The following COX7A2 variants were observed in gnomAD, a reference collection of about 807,000 sequenced individuals.
COX7A2 encodes cytochrome c oxidase subunit 7A2, also known as cytochrome c oxidase subunit 7A2, mitochondrial.
Under a neutral mutation model 11.6 loss-of-function variants are expected in COX7A2, and 11 were observed. The ratio of observed to expected loss-of-function variants is 0.95; its 90% CI spans 0.60 to 1.57. The LOEUF (loss-of-function observed/expected upper bound fraction) is 1.57, where lower values mean the gene tolerates loss of function less well. Among genes scored for constraint, COX7A2 ranks in the 40% most tolerant of loss-of-function variants. The probability of loss-of-function intolerance (pLI) is 0.00; values close to 1 mark genes in which losing one functional copy is unlikely to be tolerated. For missense variants in COX7A2, 106 were observed against 100.9 expected, an observed-to-expected ratio of 1.05 and a Z score of -0.22; for synonymous variants, 30 against 38.2, an observed-to-expected ratio of 0.78 and a Z score of 0.79.
chr6:75,239,605 C>G (rs1562367595), intron 3 of COX7A2, among the ~76,000 whole-genome samples: 1 of 152,136 alleles, frequency 6.6e-6, no homozygotes, highest in Non-Finnish European at 1.5e-5. Context: ...TTGTTTTGGT[C>G]ATAAATATGT....
At chr6:75,239,668 T>A (rs775018684) in intron 3 of COX7A2, among the ~76,000 whole-genome samples, 12 of 152,238 alleles carry the variant, frequency 7.9e-5, no homozygotes, top group Non-Finnish European at 1.8e-4. Context: ...ACAGTCAAAA[T>A]GTTTTAAAGC....
upstream of COX7A2, chr6:75,244,022 A>T (rs1771624162): frequency 1.9e-6 from 1 of 522,540 alleles, no homozygotes; most frequent in East Asian, 3.4e-5. Flanking sequence ...GAAAAAGCAA[A>T]CGATTTATGA....
At chr6:75,243,678 C>A in intron 1 of COX7A2, 39 bp downstream of exon 1, 1 of 1,597,748 alleles carries the variant, frequency 6.3e-7, no homozygotes, top group South Asian at 1.1e-5. Context: ...TCTCCACTCC[C>A]TCGCCCCCAT....
In COX7A2 at chr6:75,243,664, C is replaced by G. The variant is rs1032870387; in HGVS notation, c.18+53G>C. 2.6e-6 allele frequency: 4 copies of G among 1,565,200 alleles called. No individual in the cohort carries two copies. The African/African-American group carries it at 5.4e-5, about 21-fold the overall frequency. On this transcript the variant is annotated intron_variant, in intron 1 of 3. Coordinates refer to ENST00000684430, the MANE Select transcript of COX7A2 (RefSeq NM_001366293.2). The stretch of plus-strand genomic sequence containing the variant: ...GGGTTTTCTGTCGTGGTGCCTCAGC[C>G]TCCTCTCCACTCCCTCGCCCCCATC...
intron 1 of COX7A2, among the ~76,000 whole-genome samples, chr6:75,249,123 G>A (rs1028736465): frequency 5.3e-5 from 8 of 152,210 alleles, no homozygotes; most frequent in Admixed American, 1.3e-4. Flanking sequence ...TGTAGTCCCA[G>A]CTACTCGGGA....
intron 3 of COX7A2, among the ~76,000 whole-genome samples, chr6:75,239,168 G>A (rs1249527612): frequency 2.6e-5 from 4 of 152,146 alleles, no homozygotes; most frequent in Non-Finnish European, 5.9e-5. Flanking sequence ...GAGATTGTGG[G>A]AACCCCAACT....
rs56897555 is a variant in COX7A2, at chr6:75,240,393, TAA to T, written c.109-10_109-9del. 6,892 of 1,202,192 alleles carry T rather than the reference TAA, an allele frequency of 5.7e-3. No individual in the cohort carries two copies. The highest frequency in any genetic ancestry group is 0.013 in the South Asian group (841 of 67,040). The allele number at this position is 1,202,192 out of a possible 1,614,324, so 74.5% of individuals were successfully genotyped here. On this transcript the variant is annotated splice_polypyrimidine_tract_variant and intron_variant, in intron 2 of 3. Coordinates refer to ENST00000684430, the MANE Select transcript of COX7A2 (RefSeq NM_001366293.2). ...TGGAATTTCATCATCCTCCTAGATTTAAAAAAAAAAAAAAAAGACAATAATAA... is the reference window on the plus strand; with the variant it reads ...TGGAATTTCATCATCCTCCTAGATTTAAAAAAAAAAAAAAGACAATAATAA...
At chr6:75,243,528 C>T (rs779857644) in intron 1 of COX7A2, among the ~76,000 whole-genome samples, 189 bp downstream of exon 1, 2 of 152,100 alleles carry the variant, frequency 1.3e-5, no homozygotes, top group Non-Finnish European at 2.9e-5. Context: ...TTACATCTAC[C>T]CAGTAACGGC....
At chr6:75,242,842 A>T (rs1425218841) in intron 1 of COX7A2, among the ~76,000 whole-genome samples, 1 of 138,162 alleles carries the variant, frequency 7.2e-6, no homozygotes, top group Non-Finnish European at 1.6e-5. Flanking sequence ...AAATAAAATA[A>T]AATAAAATAA....
At chr6:75,238,218 T>C (rs1348058735) in intron 3 of COX7A2, among the ~76,000 whole-genome samples, 5 of 151,964 alleles carry the variant, frequency 3.3e-5, no homozygotes, top group African/African-American at 9.7e-5. Context: ...CAACATAAAA[T>C]GCAAAAATTT....
rs767288207 is a variant in COX7A2 at position 75,243,682 on chromosome 6, C to A, written c.18+35G>T. 8.2e-6 allele frequency: 13 copies of A among 1,590,788 alleles called. No individual in the cohort carries two copies. The African/African-American group carries it at 1.5e-4, about 18-fold the overall frequency. ...CCTCAGCCTCCTCTCCACTCCCTCGCCCCCATCATGAATGCAAGATGAGAA... is the reference window on the plus strand; with the variant it reads ...CCTCAGCCTCCTCTCCACTCCCTCGACCCCATCATGAATGCAAGATGAGAA... On this transcript the variant is annotated intron_variant, in intron 1 of 3. Coordinates refer to ENST00000684430, the MANE Select transcript of COX7A2 (RefSeq NM_001366293.2).
intron 2 of COX7A2, chr6:75,240,835 A>G (rs1771479695): frequency 5.1e-6 from 1 of 194,958 alleles, no homozygotes; most frequent in African/African-American, 2.3e-5. Flanking sequence ...TCCAGCATAC[A>G]GTAGCTATTT....
chr6:75,239,532 A>C lies in COX7A2; in HGVS notation c.193+769T>G, dbSNP rs993932207. ...CCTATGAATATGATAGGCATAAAATAATCACTCAAATATAGCATCCCTTCT... is the reference window on the plus strand; with the variant it reads ...CCTATGAATATGATAGGCATAAAATCATCACTCAAATATAGCATCCCTTCT... On this transcript the variant is annotated intron_variant, in intron 3 of 3. Transcript: ENST00000684430. 1.2e-4 allele frequency among the ~76,000 whole-genome samples: 19 copies of C among 152,222 alleles called. 1 individual carries two copies. The highest frequency in any genetic ancestry group is 4.6e-4 in the African/African-American group (19 of 41,460).
intron 1 of COX7A2, among the ~76,000 whole-genome samples, chr6:75,249,534 A>G (rs1253430157): frequency 1.3e-5 from 2 of 152,254 alleles, no homozygotes; most frequent in Non-Finnish European, 2.9e-5. Context: ...AAATGGAGAT[A>G]ACAGTATTCA....
intron 1 of COX7A2, 66 bp downstream of exon 1, chr6:75,243,651 G>T: frequency 1.3e-6 from 2 of 1,497,578 alleles, no homozygotes; most frequent in Non-Finnish European, 1.9e-6. Flanking sequence ...GTTTTCTGTC[G>T]TGGTGCCTCA....
upstream of COX7A2, among the ~76,000 whole-genome samples, chr6:75,245,327 T>C (rs1305900797): frequency 6.6e-6 from 1 of 152,010 alleles, no homozygotes; most frequent in South Asian, 2.1e-4. Context: ...CTGTCTCTAC[T>C]AAAAATACAA....
In COX7A2 at chr6:75,243,695, T is replaced by C. The variant is rs760471588; in HGVS notation, c.18+22A>G. 2.5e-6 allele frequency: 4 copies of C among 1,610,250 alleles called. No individual in the cohort carries two copies. In the African/African-American group the frequency reaches 4.0e-5, roughly 16 times the overall value. ...TCCACTCCCTCGCCCCCATCATGAA[T>C]GCAAGATGAGAAGCTCCTCACCAGC... On this transcript the variant is annotated intron_variant, in intron 1 of 3. Transcript: ENST00000684430.
At chr6:75,249,373 CAG>C (rs1303151144) in intron 1 of COX7A2, among the ~76,000 whole-genome samples, 2 of 152,178 alleles carry the variant, frequency 1.3e-5, no homozygotes, top group African/African-American at 4.8e-5. Context: ...ACTGCAAAAA[CAG>C]AGGCCTAGAT....
At chr6:75,250,010 G>A (rs1293602660) in intron 1 of COX7A2, 1 of 143,192 alleles carries the variant, frequency 7.0e-6, no homozygotes, top group African/African-American at 2.6e-5. Context: ...ACAATACAGT[G>A]ATTAGGTTGG....
Sources: allele counts gnomAD v4.1 joint callset (sites outside exome capture counted in the v4.1 genomes callset), GRCh38; gene constraint gnomAD v4.1.1; transcripts MANE v1.5; gene names NCBI Gene and HGNC (gene_info 2026-07-23, HGNC 2026-07-21).